Variants in FCHO2 observed in about 807,000 individuals in gnomAD.
FCHO2 encodes F-BAR domain only protein 2.
In FCHO2, 43 loss-of-function variants were observed where a neutral mutation model predicts 114.1. The observed-to-expected ratio is 0.38, with a 90% CI of 0.30 to 0.49. The LOEUF is 0.49. Ranked by LOEUF, FCHO2 falls within the 20% of genes least tolerant of loss-of-function variation. The probability of loss-of-function intolerance (pLI) is 0.97; values close to 1 mark genes in which losing one functional copy is unlikely to be tolerated. For synonymous variants in FCHO2, 293 were observed against 315.2 expected (o/e 0.93, Z 0.75); for missense variants, 807 against 950.4 (o/e 0.85, Z 1.98).
chr5:73,083,566 CA>C (rs199624345), intron 24 of FCHO2, among the ~76,000 whole-genome samples: 5,190 of 152,284 alleles, frequency 0.034, 134 homozygotes, highest in Non-Finnish European at 0.054. Context: ...CCTGACCTCC[CA>C]GAAATCATGT....
chr5:73,071,069 T>G (rs1354767517), intron 19 of FCHO2, among the ~76,000 whole-genome samples: 1 of 152,080 alleles, frequency 6.6e-6, no homozygotes, highest in Non-Finnish European at 1.5e-5. Flanking sequence ...TCAAGAATTA[T>G]GCTAAGATTA....
intron 11 of FCHO2, among the ~76,000 whole-genome samples, chr5:73,041,520 A>G (rs1476763117): frequency 6.6e-6 from 1 of 151,996 alleles, no homozygotes; most frequent in African/African-American, 2.4e-5. Context: ...ATTTCTAACC[A>G]CCTTTGAAGA....
At chr5:73,082,539 GAGA>G (rs1231965491) in intron 23 of FCHO2, among the ~76,000 whole-genome samples, 1 of 152,140 alleles carries the variant, frequency 6.6e-6, no homozygotes, top group Non-Finnish European at 1.5e-5. Flanking sequence ...CAATAGGAAT[GAGA>G]AGAATTACAT....
intron 5 of FCHO2, among the ~76,000 whole-genome samples, chr5:73,002,875 G>A (rs1209250794): frequency 6.6e-6 from 1 of 151,884 alleles, no homozygotes; most frequent in Non-Finnish European, 1.5e-5. Context: ...GAGAAGGTGT[G>A]GTATCTTATT....
At chr5:73,060,509 T>C (rs2112856176) in intron 17 of FCHO2, among the ~76,000 whole-genome samples, 1 of 152,204 alleles carries the variant, frequency 6.6e-6, no homozygotes, top group Non-Finnish European at 1.5e-5. Flanking sequence ...ATTTCACTTA[T>C]TTTTATTGTT....
intron 8 of FCHO2, 169 bp from the exon 9 acceptor site, chr5:73,034,488 A>T: frequency 2.1e-6 from 1 of 486,534 alleles, no homozygotes; most frequent in Non-Finnish European, 3.6e-6. Context: ...TTTAAAATTT[A>T]TTGCTGATAT....
At chr5:73,030,012 A>G (rs1756146059) in intron 8 of FCHO2, among the ~76,000 whole-genome samples, 2 of 151,558 alleles carry the variant, frequency 1.3e-5, no homozygotes, top group Admixed American at 6.6e-5. Flanking sequence ...TTTTTTATGT[A>G]CAGAAATTGA....
chr5:72,962,553 G>C (rs1017722564), intron 1 of FCHO2, among the ~76,000 whole-genome samples: 1 of 152,080 alleles, frequency 6.6e-6, no homozygotes, highest in Non-Finnish European at 1.5e-5. Context: ...AAAAAGGAAG[G>C]GAATAAGGAC....
chr5:73,022,947 T>C (rs1030083976), intron 8 of FCHO2, among the ~76,000 whole-genome samples: 8 of 152,174 alleles, frequency 5.3e-5, no homozygotes, highest in South Asian at 2.1e-4. Context: ...AGAACCCTAG[T>C]AGAACTTATT....
At chr5:72,984,488 CT>C (rs1296186159) in intron 2 of FCHO2, among the ~76,000 whole-genome samples, 1 of 152,088 alleles carries the variant, frequency 6.6e-6, no homozygotes, top group African/African-American at 2.4e-5. Context: ...ATAGAATTTT[CT>C]GGTAAAGCCC....
At chr5:73,031,639 A>G (rs1417329713) in intron 8 of FCHO2, among the ~76,000 whole-genome samples, 1 of 152,162 alleles carries the variant, frequency 6.6e-6, no homozygotes, top group Non-Finnish European at 1.5e-5. Flanking sequence ...GGCTTTTCTT[A>G]TAGCATTTAT....
chr5:73,028,133 G>A (rs1021882896), intron 8 of FCHO2, among the ~76,000 whole-genome samples: 2 of 152,078 alleles, frequency 1.3e-5, no homozygotes, highest in Non-Finnish European at 2.9e-5. Context: ...AGGCAGAGAG[G>A]TTGCTGTGAG....
chr5:73,048,075 A>C (rs1036323895), intron 11 of FCHO2, among the ~76,000 whole-genome samples: 1 of 138,570 alleles, frequency 7.2e-6, no homozygotes, highest in Non-Finnish European at 1.6e-5. Context: ...TCCTGGGCTC[A>C]AGCAATCTTC....
intron 2 of FCHO2, among the ~76,000 whole-genome samples, chr5:72,971,913 A>G (rs976228214): frequency 1.3e-5 from 2 of 151,884 alleles, no homozygotes; most frequent in Non-Finnish European, 2.9e-5. Flanking sequence ...TCAGCTTTCT[A>G]CATATGGCTA....
chr5:73,038,482 A>T (rs1294437149), intron 10 of FCHO2, among the ~76,000 whole-genome samples: 1 of 152,340 alleles, frequency 6.6e-6, no homozygotes, highest in East Asian at 1.9e-4. Context: ...TTGACCCACC[A>T]ACATTGACTG....
intron 24 of FCHO2, among the ~76,000 whole-genome samples, chr5:73,084,851 C>A (rs1034790194): frequency 6.6e-6 from 1 of 152,122 alleles, no homozygotes; most frequent in African/African-American, 2.4e-5. Context: ...TTCAGCTGGC[C>A]AACTGCATTG....
chr5:73,009,772 A>C (rs1455473164), intron 6 of FCHO2, among the ~76,000 whole-genome samples: 1 of 152,180 alleles, frequency 6.6e-6, no homozygotes, highest in Non-Finnish European at 1.5e-5. Context: ...CTTGGGCTCA[A>C]GTGATCTGTC....
intron 1 of FCHO2, among the ~76,000 whole-genome samples, chr5:72,961,842 C>T (rs551598460): frequency 3.3e-5 from 5 of 152,242 alleles, no homozygotes; most frequent in South Asian, 2.1e-4. Flanking sequence ...CCGCCTGCCT[C>T]GGCCTCCCAA....
chr5:72,970,711 T>C (rs1169316836), intron 2 of FCHO2, among the ~76,000 whole-genome samples: 1 of 151,996 alleles, frequency 6.6e-6, no homozygotes, highest in Non-Finnish European at 1.5e-5. Flanking sequence ...TTATTTTTTA[T>C]TATTATACTT....
Sources: allele counts gnomAD v4.1 joint callset (sites outside exome capture counted in the v4.1 genomes callset), GRCh38; gene constraint gnomAD v4.1.1; transcripts MANE v1.5; gene names NCBI Gene and HGNC (gene_info 2026-07-23, HGNC 2026-07-21).